Variants in EIF5 observed in about 807,000 individuals in gnomAD.
EIF5 encodes the protein eukaryotic translation initiation factor 5.
Under a neutral mutation model 48.3 loss-of-function variants are expected in EIF5, and 10 were observed. That is an observed-to-expected ratio of 0.21 (90% CI 0.13 to 0.35). The LOEUF (loss-of-function observed/expected upper bound fraction) is 0.35. Among genes scored for constraint, EIF5 ranks in the 10% least tolerant of loss-of-function variants. The pLI is 1.00. For missense variants in EIF5, 397 were observed against 533.2 expected (o/e 0.74, Z 2.51); for synonymous variants, 237 against 173.1 (o/e 1.37, Z -2.90).
At chr14:103,338,142 C>A in intron 6 of EIF5, 185 bp from the exon 7 acceptor site, 2 of 839,462 alleles carry the variant, frequency 2.4e-6, no homozygotes, top group Non-Finnish European at 3.8e-6. Context: ...CTTAGACTAA[C>A]ATTCTTACGT....
At chr14:103,335,570 G>C (rs1194654922) in intron 2 of EIF5, 83 bp from the exon 3 acceptor site, 1 of 479,826 alleles carries the variant, frequency 2.1e-6, no homozygotes. Flanking sequence ...AGCATAACTA[G>C]GATGTAAAAA....
rs2089321382 is a variant in EIF5, at chr14:103,338,962, C to CTT, written c.744+71_744+72dup. 8 of 1,557,032 alleles carry CTT rather than the reference C, an allele frequency of 5.1e-6. No individual in the cohort carries two copies. The Middle Eastern group carries it at 5.2e-4, about 101-fold the overall frequency. ...TGTTTGTGCCTTTAGATATATGATA[C>CTT]TTTAGCAGTGTAATTAGGATTACTC... is the stretch of plus-strand genomic sequence containing the variant. On this transcript the variant is annotated intron_variant, in intron 8 of 11. Transcript: ENST00000216554.
At chr14:103,339,976 A>G (rs1417510897) in intron 10 of EIF5, among the ~76,000 whole-genome samples, 173 bp downstream of exon 10, 1 of 152,166 alleles carries the variant, frequency 6.6e-6, no homozygotes, top group Non-Finnish European at 1.5e-5. Flanking sequence ...CTCCTGCCTC[A>G]GCCTCCCAAG....
chr14:103,337,816 A>AAG (rs1205839441), intron 6 of EIF5: 1 of 495,230 alleles, frequency 2.0e-6, no homozygotes, highest in Non-Finnish European at 4.0e-6. Context: ...TTGTTTGGTA[A>AAG]AGAGGGCCCC....
At chr14:103,336,002 G>T in intron 3 of EIF5, 34 bp from the exon 4 acceptor site, 1 of 1,613,668 alleles carries the variant, frequency 6.2e-7, no homozygotes, top group African/African-American at 1.3e-5. Context: ...TTTGTCAGGG[G>T]AAACTGCACA....
At chr14:103,339,483 C>T in intron 9 of EIF5, 150 bp downstream of exon 9, 2 of 1,400,282 alleles carry the variant, frequency 1.4e-6, no homozygotes, top group Non-Finnish European at 2.0e-6. Flanking sequence ...AGTGCCATAC[C>T]TAGGCCCTTA....
In EIF5 at chr14:103,344,298, T is replaced by G. The variant is rs969025396; in HGVS notation, c.*3246T>G. On this transcript the variant is annotated 3_prime_UTR_variant, in exon 12 of 12. Coordinates refer to ENST00000216554, the MANE Select transcript of EIF5 (RefSeq NM_001969.5). ...TCTGGGAATCAAATTTCTGTGGTTTTTATGGCCAGAAATTTTAAGGACTTG... is the reference window on the plus strand; with the variant it reads ...TCTGGGAATCAAATTTCTGTGGTTTGTATGGCCAGAAATTTTAAGGACTTG... 2 of 152,192 alleles carry G rather than the reference T, an allele frequency of 1.3e-5. No individual in the cohort carries two copies. Among genetic ancestry groups the G allele is most frequent in the African/African-American group, 4.8e-5 (2 of 41,412 alleles). The allele number at this position is 152,192 out of a possible 1,614,324, so 9.4% of individuals were successfully genotyped here.
At chr14:103,337,508 A>T in intron 6 of EIF5, 2 of 383,258 alleles carry the variant, frequency 5.2e-6, no homozygotes, top group Non-Finnish European at 9.5e-6. Context: ...TAGCTGAGGC[A>T]TGAGCGTCGC....
At chr14:103,337,056 G>A in intron 5 of EIF5, 60 bp from the exon 6 acceptor site, 1 of 1,485,832 alleles carries the variant, frequency 6.7e-7, no homozygotes, top group Non-Finnish European at 9.1e-7. Flanking sequence ...TGGTTTAGAT[G>A]TCCTCTGATT....
intron 10 of EIF5, 157 bp from the exon 11 acceptor site, chr14:103,340,270 G>A: frequency 1.3e-6 from 1 of 745,938 alleles, no homozygotes. Context: ...AGTCATAACA[G>A]ACTGCTGAGA....
At chr14:103,338,680 C>T in intron 7 of EIF5, 55 bp from the exon 8 acceptor site, 9 of 1,580,936 alleles carry the variant, frequency 5.7e-6, no homozygotes, top group East Asian at 2.2e-5. Flanking sequence ...AAATCTGAAC[C>T]TTTTTGTTGT....
In EIF5 at chr14:103,339,226, G is replaced by T. The variant is rs1408572384; in HGVS notation, c.799G>T (p.Ala267Ser). ...ATCTGACAAAGAAATCGTTGCTGAA[G>T]CAGAAAGACTGGATGTAAAAGCCAT... ...DSSDKEIVAE[A>S]ERLDVKAMGP... Residue 267 changes from alanine (A) to serine (S), a missense_variant, in exon 9 of 12, where the codon GCA becomes TCA. Physicochemically the swap from Ala to Ser is moderately conservative, Grantham distance 99 (BLOSUM62 1). This residue lies in a region of EIF5 where 3 missense variants were observed against 18.1 expected (regional missense o/e 0.17). Coordinates refer to ENST00000216554, the MANE Select transcript of EIF5 (RefSeq NM_001969.5). The T allele has an allele frequency of 6.2e-7, 1 of 1,612,128 alleles. No homozygotes were observed. The highest frequency in any genetic ancestry group is 8.5e-7 in the Non-Finnish European group (1 of 1,179,548).
chr14:103,335,129 T>A (rs1595361600), intron 2 of EIF5: 1 of 152,340 alleles, frequency 6.6e-6, no homozygotes, highest in African/African-American at 2.4e-5. Context: ...GCTCGCGCTC[T>A]CTTGCTTAAT....
In EIF5 at chr14:103,342,504, C is replaced by T. The variant is rs1455258256; in HGVS notation, c.*1452C>T. 3 of 152,224 alleles carry T rather than the reference C, an allele frequency of 2.0e-5. No homozygotes were observed. The highest frequency in any genetic ancestry group is 4.4e-5 in the Non-Finnish European group (3 of 68,038). The allele number at this position is 152,224 out of a possible 1,614,324, so 9.4% of individuals were successfully genotyped here. A position where few individuals can be genotyped will look rare whatever the true frequency, so the allele number is the denominator to read the frequency against. On this transcript the variant is annotated 3_prime_UTR_variant, in exon 12 of 12. Transcript: ENST00000216554. ...AGAATCGATAGGGTTAATTTTGGAG[C>T]AGTGGCTTATACCATTCACCTCTGT...
At position 103,336,708 on chromosome 14, in the gene EIF5, A is replaced by G; in HGVS notation, c.186A>G (p.Gly62=). 6.2e-7 allele frequency: 1 copy of G among 1,612,590 alleles called. No individual in the cohort carries two copies. Among genetic ancestry groups the G allele is most frequent in the South Asian group, 1.1e-5 (1 of 90,618 alleles). Residue 62 remains glycine, a synonymous_variant, in exon 5 of 12, where the codon GGA becomes GGG. Transcript: ENST00000216554. ...YPTKYFGCEL[G]AQTQFDVKND... ...CCAAATATTTTGGTTGTGAGCTGGGAGCACAGACCCAGTTTGATGTTAAGA... is the reference window on the plus strand; with the variant it reads ...CCAAATATTTTGGTTGTGAGCTGGGGGCACAGACCCAGTTTGATGTTAAGA...
At chr14:103,336,506 C>T (rs1053200968) in intron 4 of EIF5, 171 bp from the exon 5 acceptor site, 8 of 676,106 alleles carry the variant, frequency 1.2e-5, no homozygotes, top group East Asian at 5.8e-5. Context: ...GCTTGAACCC[C>T]GGAAACGGAG....
chr14:103,338,933 G>A (rs1366739767), intron 8 of EIF5, 40 bp downstream of exon 8: 1 of 1,600,584 alleles, frequency 6.2e-7, no homozygotes, highest in Non-Finnish European at 8.5e-7. Context: ...CTTCAACCCA[G>A]CCTTGTTTGT....
rs184250068 is a variant in EIF5, at chr14:103,337,170, C to G, written c.382C>G (p.Arg128Gly). The G allele has an allele frequency of 1.7e-5, 28 of 1,613,440 alleles. No individual in the cohort carries two copies. Among genetic ancestry groups the G allele is most frequent in the African/African-American group, 2.7e-5 (2 of 75,012 alleles). Residue 128 changes from arginine (R) to glycine (G), a missense_variant, in exon 6 of 12, where the codon CGA becomes GGA. This residue lies in a region of EIF5 where 108 missense variants were observed against 188.3 expected (regional missense o/e 0.57). Transcript: ENST00000216554. ...TAATTCTTGTAAAGCCTGTGGCTAT[C>G]GAGGCATGCTTGACACACATCATAA... Reference protein sequence around the residue: ...IGNSCKACGYRGMLDTHHKLC... With the variant: ...IGNSCKACGYGGMLDTHHKLC...
chr14:103,337,611 A>C, intron 6 of EIF5: 1 of 321,840 alleles, frequency 3.1e-6, no homozygotes, highest in Non-Finnish European at 5.9e-6. Flanking sequence ...AAAACAATAT[A>C]AGGAACCTTT....
Sources: gnomAD v4.1 joint callset for allele counts (sites outside exome capture counted in the v4.1 genomes callset) on GRCh38, gnomAD v4.1.1 for gene constraint, gnomAD v4.1.1 regional missense constraint, MANE v1.5 for transcripts, NCBI Gene and HGNC (gene_info 2026-07-23, HGNC 2026-07-21) for gene names.